MRTFB: variants seen among roughly 807,000 people sequenced by gnomAD.
MRTFB encodes myocardin-related transcription factor B.
Under a neutral mutation model 104.2 loss-of-function variants are expected in MRTFB, and 29 were observed. The ratio of observed to expected loss-of-function variants is 0.28; its 90% CI spans 0.21 to 0.38. MRTFB has a LOEUF of 0.38. MRTFB is among the 10% of genes least tolerant of loss of function. MRTFB has a pLI of 1.00. For missense variants in MRTFB, 1,270 were observed against 1,341.6 expected (o/e 0.95, Z 0.83); for synonymous variants, 535 against 519.5 (o/e 1.03, Z -0.41).
intron 3 of MRTFB, among the ~76,000 whole-genome samples, chr16:14,184,292 A>G (rs2039871041): frequency 2.0e-5 from 3 of 148,524 alleles, no homozygotes; most frequent in Non-Finnish European, 4.4e-5. Context: ...GCACAATCTC[A>G]GCTCACTGTA....
At chr16:14,140,839 G>GTTT in intron 3 of MRTFB, 79 bp downstream of exon 3, 2 of 1,571,650 alleles carry the variant, frequency 1.3e-6, no homozygotes, top group Admixed American at 3.4e-5. Flanking sequence ...CTGTTTGGTA[G>GTTT]TAATATTTTG....
chr16:14,231,139 A>G (rs1487131019), intron 8 of MRTFB, among the ~76,000 whole-genome samples: 4 of 140,146 alleles, frequency 2.9e-5, no homozygotes, highest in Non-Finnish European at 4.7e-5. Context: ...GTTGTGGGGT[A>G]AGGGGAGGGG....
rs1295349023 is a variant in MRTFB at position 14,246,519 on chromosome 16, C to T, written c.1259C>T (p.Ser420Leu). ...TELKLRGLPV[S>L]GTKPDLIERL... is the part of the protein sequence containing the mutation. ...CTGAAGTTAAGGGGTCTGCCAGTGT[C>T]AGGCACCAAACCGGACCTCATTGAG... The change falls in exon 12 of 17, where the codon TCA becomes TTA. Residue 420 changes from serine (S) to leucine (L), a missense_variant. This residue lies in a region of MRTFB where 1,144 missense variants were observed against 1,131.5 expected (regional missense o/e 1.01). Coordinates refer to ENST00000571589, the MANE Select transcript of MRTFB (RefSeq NM_001308142.2). The T allele has an allele frequency of 6.2e-7, 1 of 1,614,072 alleles. No homozygotes were observed. Among genetic ancestry groups the T allele is most frequent in the Non-Finnish European group, 8.5e-7 (1 of 1,180,044 alleles).
At chr16:14,257,645 G>C (rs2043557121) in intron 15 of MRTFB, among the ~76,000 whole-genome samples, 1 of 152,096 alleles carries the variant, frequency 6.6e-6, no homozygotes, top group South Asian at 2.1e-4. Flanking sequence ...TCTTGATTTT[G>C]TTTATGGTTT....
At chr16:14,050,699 A>C in the MRTFB span, among the ~76,000 whole-genome samples, 1 of 152,220 alleles carries the variant, frequency 6.6e-6, no homozygotes, top group Admixed American at 6.5e-5. Context: ...CTGCTAGCTC[A>C]GCAGTCAGGT....
chr16:14,104,185 A>G (rs558265116), intron 2 of MRTFB, among the ~76,000 whole-genome samples: 2 of 152,350 alleles, frequency 1.3e-5, no homozygotes, highest in African/African-American at 4.8e-5. Flanking sequence ...CAGGCCCTGA[A>G]CTGAAATTTA....
chr16:14,071,555 G>A (rs917436253), intron 1 of MRTFB, among the ~76,000 whole-genome samples, 190 bp downstream of exon 1: 1 of 151,496 alleles, frequency 6.6e-6, no homozygotes, highest in Admixed American at 6.6e-5. Flanking sequence ...CGGGGCGGCC[G>A]GGGCCGCGGG....
chr16:14,184,126 G>A (rs2039863849), intron 3 of MRTFB, among the ~76,000 whole-genome samples: 1 of 143,238 alleles, frequency 7.0e-6, no homozygotes, highest in African/African-American at 2.6e-5. Flanking sequence ...TGTTCTTTTT[G>A]CAAAGTAATT....
At chr16:14,203,686 C>A (rs2040814839) in intron 3 of MRTFB, among the ~76,000 whole-genome samples, 1 of 151,410 alleles carries the variant, frequency 6.6e-6, no homozygotes. Flanking sequence ...AACTTGTAAT[C>A]CCAGCTACTC....
At chr16:14,016,453 G>A in the MRTFB span, among the ~76,000 whole-genome samples, 1 of 151,874 alleles carries the variant, frequency 6.6e-6, no homozygotes, top group Non-Finnish European at 1.5e-5. Context: ...ATGGATATTT[G>A]TGGTCCTTTC....
At chr16:14,235,636 C>G (rs970845375) in intron 9 of MRTFB, among the ~76,000 whole-genome samples, 2 of 152,120 alleles carry the variant, frequency 1.3e-5, no homozygotes, top group African/African-American at 4.8e-5. Flanking sequence ...GGAAACAGAC[C>G]AGAATTCTTC....
At chr16:14,209,330 TA>T (rs1267093785) in intron 3 of MRTFB, among the ~76,000 whole-genome samples, 1 of 152,234 alleles carries the variant, frequency 6.6e-6, no homozygotes, top group Non-Finnish European at 1.5e-5. Context: ...AGCAGACTCT[TA>T]ATCACTCTAA....
intron 3 of MRTFB, chr16:14,152,201 A>G (rs1167117830): frequency 6.6e-6 from 1 of 152,168 alleles, no homozygotes; most frequent in Non-Finnish European, 1.5e-5. Context: ...AATCTATGTC[A>G]TAATCACATC....
chr16:14,047,951 T>C, the MRTFB span, among the ~76,000 whole-genome samples: 53 of 152,268 alleles, frequency 3.5e-4, no homozygotes, highest in African/African-American at 1.2e-3. Flanking sequence ...ATTCAAAAGT[T>C]CATAGTCCAA....
At chr16:14,242,309 T>C (rs896507364) in intron 10 of MRTFB, among the ~76,000 whole-genome samples, 1 of 151,968 alleles carries the variant, frequency 6.6e-6, no homozygotes, top group Non-Finnish European at 1.5e-5. Flanking sequence ...AATTCCCCTC[T>C]CCTCCTCAGA....
intron 2 of MRTFB, among the ~76,000 whole-genome samples, chr16:14,087,877 T>C (rs990269498): frequency 2.0e-5 from 3 of 152,230 alleles, no homozygotes; most frequent in Non-Finnish European, 2.9e-5. Flanking sequence ...TTGCCAATTA[T>C]TGCACTGCAA....
intron 3 of MRTFB, chr16:14,144,788 A>T (rs2038209013): frequency 6.6e-6 from 1 of 151,650 alleles, no homozygotes; most frequent in Admixed American, 6.6e-5. Context: ...TCTCTACTAA[A>T]AATACAAAAA....
rs1042467647 is a variant in MRTFB at position 14,140,545 on chromosome 16, G to T, written c.-62G>T. On this transcript the variant is annotated splice_region_variant and 5_prime_UTR_variant, in exon 3 of 17. Coordinates refer to ENST00000571589, the MANE Select transcript of MRTFB (RefSeq NM_001308142.2). ...TTTACACATTCTTTATTTTGGCAGTGTCTTCAATAGGCCGTGTTTAAGAGG... is the reference window on the plus strand; with the variant it reads ...TTTACACATTCTTTATTTTGGCAGTTTCTTCAATAGGCCGTGTTTAAGAGG... The T allele has an allele frequency of 2.5e-6, 4 of 1,588,240 alleles. No homozygotes were observed. Among genetic ancestry groups the T allele is most frequent in the Non-Finnish European group, 3.4e-6 (4 of 1,162,028 alleles).
At chr16:14,005,111 G>A in the MRTFB span, among the ~76,000 whole-genome samples, 1 of 152,258 alleles carries the variant, frequency 6.6e-6, no homozygotes, top group African/African-American at 2.4e-5. Flanking sequence ...CCTGGGGGCT[G>A]GCACTGCCCT....
Sources: allele counts gnomAD v4.1 joint callset (sites outside exome capture counted in the v4.1 genomes callset), GRCh38; gene constraint gnomAD v4.1.1; regional missense constraint gnomAD v4.1.1; transcripts MANE v1.5; gene names NCBI Gene and HGNC (gene_info 2026-07-23, HGNC 2026-07-21).